The following MGA variants were observed in gnomAD, a reference collection of about 807,000 sequenced individuals.
MGA encodes MAX gene-associated protein.
A neutral mutation model predicts 261.1 loss-of-function variants in MGA; 40 were observed. That is an observed-to-expected ratio of 0.15 (90% confidence interval 0.12 to 0.20). The LOEUF (loss-of-function observed/expected upper bound fraction) is 0.20, where lower values mean the gene tolerates loss of function less well. Ranked by LOEUF, MGA falls within the 10% of genes least tolerant of loss-of-function variation. The pLI is 1.00. For missense variants in MGA, 3,397 were observed against 3,630.5 expected (o/e 0.94, Z 1.65); for synonymous variants, 1,302 against 1,290.6 (o/e 1.01, Z -0.19).
intron 10 of MGA, 22 bp downstream of exon 10, chr15:41,727,428 T>A (rs759911282): frequency 2.5e-6 from 4 of 1,590,032 alleles, no homozygotes; most frequent in Admixed American, 3.5e-5. Flanking sequence ...ATTTAATCTT[T>A]TATTACAAGT....
intron 3 of MGA, among the ~76,000 whole-genome samples, chr15:41,698,323 C>T (rs2059654022): frequency 6.6e-6 from 1 of 151,940 alleles, no homozygotes; most frequent in South Asian, 2.1e-4. Context: ...TGTGCATCAC[C>T]ATGCCCAGCT....
intron 22 of MGA, 110 bp downstream of exon 22, chr15:41,762,472 T>G (rs1245152668): frequency 1.4e-5 from 10 of 693,786 alleles, no homozygotes; most frequent in Admixed American, 1.1e-4. Context: ...TTTTTTTTTT[T>G]TTTTTTTTTT....
intron 2 of MGA, among the ~76,000 whole-genome samples, chr15:41,683,576 A>ATTT (rs538776351): frequency 2.4e-5 from 3 of 126,912 alleles, no homozygotes; most frequent in East Asian, 2.3e-4. Flanking sequence ...TGAATCCCCA[A>ATTT]TTTTTTTTTT....
intron 22 of MGA, 94 bp downstream of exon 22, chr15:41,762,456 G>A (rs1354586251): frequency 9.4e-6 from 2 of 212,450 alleles, no homozygotes. Flanking sequence ...TTTTAGTTTT[G>A]TGTGGTTTTT....
At chr15:41,648,276 C>T (rs926079243) in intron 1 of MGA, among the ~76,000 whole-genome samples, 1 of 152,186 alleles carries the variant, frequency 6.6e-6, no homozygotes, top group Admixed American at 6.5e-5. Flanking sequence ...CAAGTTTTGA[C>T]TCCTTACTGC....
intron 2 of MGA, among the ~76,000 whole-genome samples, chr15:41,686,795 A>G (rs75116764): frequency 0.04 from 6,091 of 152,130 alleles, 191 homozygotes; most frequent in East Asian, 0.1. Context: ...TTTAGAGGGG[A>G]GGGGTGATCT....
chr15:41,700,041 GTT>G (rs763919635), intron 5 of MGA, among the ~76,000 whole-genome samples: 28 of 101,558 alleles, frequency 2.8e-4, no homozygotes, highest in South Asian at 3.4e-4. Context: ...TGTCATCGAG[GTT>G]TTTTTTTTTT....
intron 1 of MGA, among the ~76,000 whole-genome samples, chr15:41,643,715 G>T (rs1304872609): frequency 1.3e-5 from 2 of 150,630 alleles, no homozygotes; most frequent in East Asian, 3.9e-4. Flanking sequence ...ATTTGATGAA[G>T]TCCAGGATCT....
chr15:41,727,331 A>G lies in MGA; in HGVS notation c.3582A>G (p.Leu1194=), dbSNP rs377747143. The G allele has an allele frequency of 1.3e-5, 21 of 1,613,832 alleles. No homozygotes were observed. The East Asian group carries it at 4.5e-4, about 34-fold the overall frequency. The change falls in exon 10 of 24, where the codon TTA becomes TTG. Residue 1194 remains leucine (L), a synonymous_variant. Transcript: ENST00000219905. The stretch of plus-strand genomic sequence containing the variant: ...TGTTATTGCCTCAGCCAGAAGTTTT[A>G]TCTCCTACTGTGAAGGGCAAACTGC...
chr15:41,760,198 A>G, intron 19 of MGA, 125 bp from the exon 20 acceptor site: 2 of 817,468 alleles, frequency 2.4e-6, no homozygotes, highest in South Asian at 3.2e-5. Context: ...TGACCAATTG[A>G]GAGGCTGTTA....
intron 2 of MGA, among the ~76,000 whole-genome samples, chr15:41,680,147 A>G (rs2058592197): frequency 6.6e-6 from 1 of 152,134 alleles, no homozygotes; most frequent in Non-Finnish European, 1.5e-5. Flanking sequence ...GTCCTACTGT[A>G]TTCCACCTCT....
intron 1 of MGA, among the ~76,000 whole-genome samples, chr15:41,638,688 C>CTTTTTTTTTTTTTTTT (rs761492514): frequency 1.7e-5 from 2 of 115,644 alleles, no homozygotes; most frequent in Non-Finnish European, 3.6e-5. Flanking sequence ...TTTTCTTTTT[C>CTTTTTTTTTTTTTTTT]TTTTTTTTTT....
chr15:41,667,141 A>G (rs1168387137), intron 1 of MGA, among the ~76,000 whole-genome samples: 1 of 152,116 alleles, frequency 6.6e-6, no homozygotes, highest in Admixed American at 6.6e-5. Flanking sequence ...AACTATGTAC[A>G]TATTCATAGC....
chr15:41,621,671 A>T (rs945559425), intron 1 of MGA: 3 of 116,392 alleles, frequency 2.6e-5, no homozygotes, highest in African/African-American at 1.0e-4. Context: ...AAGTGTTAAG[A>T]GTCTGGGTGT....
rs568338669 is a variant in MGA at position 41,719,201 on chromosome 15, C to A, written c.3430+5705C>A. Among the ~76,000 whole-genome samples, 8 of 151,968 alleles carry A rather than the reference C, an allele frequency of 5.3e-5. No individual in the cohort carries two copies. In the South Asian group the frequency reaches 1.1e-3, roughly 20 times the overall value. On this transcript the variant is annotated intron_variant, in intron 9 of 23. Coordinates refer to ENST00000219905, the MANE Select transcript of MGA (RefSeq NM_001164273.2). ...TAACTTTGATAAAAGATGCCTAAAA[C>A]CTATATACTAAAAACTATAAGATAT... is the stretch of plus-strand genomic sequence containing the variant.
Position 41,711,112 on chromosome 15 carries a change from T to G in MGA, c.2847T>G (p.Asn949Lys). The G allele has an allele frequency of 6.2e-7, 1 of 1,613,992 alleles. No individual in the cohort carries two copies. The highest frequency in any genetic ancestry group is 8.5e-7 in the Non-Finnish European group (1 of 1,179,888). Residue 949 changes from asparagine to lysine, a missense_variant, in exon 8 of 24, where the codon AAT (asparagine) becomes AAG (lysine). By Grantham distance (94) the Asn-to-Lys change is moderately conservative (BLOSUM62 0). This residue lies in a region of MGA where 519 missense variants were observed against 554.1 expected (regional missense o/e 0.94). Transcript: ENST00000219905. Reference sequence around the variant, plus strand: ...ATTCTTCAGGCATCATCTCAGAAAATCAGGCGAATAACTTTGTTGTGCCAA... The same window carrying G: ...ATTCTTCAGGCATCATCTCAGAAAAGCAGGCGAATAACTTTGTTGTGCCAA...
chr15:41,657,343 T>G (rs1323116290), upstream of MGA, among the ~76,000 whole-genome samples: 1 of 11,884 alleles, frequency 8.4e-5, no homozygotes, highest in African/African-American at 1.5e-4. Flanking sequence ...AAGGCCCTTT[T>G]TTTTTTTTTT....
At chr15:41,718,427 G>A (rs150379976) in intron 9 of MGA, 89,605 of 1,250,250 alleles carry the variant, frequency 0.072, 4,510 homozygotes, top group South Asian at 0.1. Context: ...CAGATCGCAG[G>A]TAGCCCTGGA....
In MGA at chr15:41,638,464, C is replaced by T. The variant is rs537730824; in HGVS notation, c.-68+17166C>T. On this transcript the variant is annotated intron_variant, in intron 1 of 8. Coordinates refer to the MGA transcript ENST00000566718. ...CACTGCAGCCTCTAACTCCTGGGCTCAGGAGATCCTCCTGCCTTAGCCTTC... is the reference window on the plus strand; with the variant it reads ...CACTGCAGCCTCTAACTCCTGGGCTTAGGAGATCCTCCTGCCTTAGCCTTC... 1.5e-3 allele frequency among the ~76,000 whole-genome samples: 234 copies of T among 151,090 alleles called. 1 individual carries two copies. In the South Asian group the frequency reaches 0.019, roughly 12 times the overall value.
Sources: gnomAD v4.1 joint callset for allele counts (sites outside exome capture counted in the v4.1 genomes callset) on GRCh38, gnomAD v4.1.1 for gene constraint, gnomAD v4.1.1 regional missense constraint, MANE v1.5 for transcripts, NCBI Gene and HGNC (gene_info 2026-07-23, HGNC 2026-07-21) for gene names.